TUSC3: variants seen among roughly 807,000 people sequenced by gnomAD.
The protein encoded by TUSC3 is tumor suppressor candidate 3.
TUSC3 carries 45 observed loss-of-function variants against 44.8 expected under a neutral mutation model. That is an observed-to-expected ratio of 1.00 (90% CI 0.79 to 1.29). The LOEUF (loss-of-function observed/expected upper bound fraction) is 1.29. TUSC3 is among the 50% of genes most tolerant of loss of function. TUSC3 has a pLI of 0.00. For synonymous variants in TUSC3, 212 were observed against 152.9 expected (o/e 1.39, Z -2.85); for missense variants, 519 against 437.9 (o/e 1.19, Z -1.65).
At chr8:15,447,655 C>T (rs922548236) in intron 1 of TUSC3, among the ~76,000 whole-genome samples, 11 of 149,986 alleles carry the variant, frequency 7.3e-5, no homozygotes, top group Non-Finnish European at 1.6e-4. Flanking sequence ...GAACTATAGG[C>T]TAATGATTAC....
At chr8:15,459,340 A>G (rs1181194435) in intron 1 of TUSC3, among the ~76,000 whole-genome samples, 1 of 152,140 alleles carries the variant, frequency 6.6e-6, no homozygotes, top group Non-Finnish European at 1.5e-5. Flanking sequence ...CATAACTGTC[A>G]GTATTCTTGC....
At chr8:15,499,644 G>A (rs546506163) in intron 2 of TUSC3, among the ~76,000 whole-genome samples, 79 of 152,176 alleles carry the variant, frequency 5.2e-4, no homozygotes, top group African/African-American at 1.6e-3. Context: ...ACTGGTCCAC[G>A]GGGTGCTTAG....
chr8:15,562,270 T>G (rs1050290133), intron 1 of TUSC3, among the ~76,000 whole-genome samples: 1 of 152,134 alleles, frequency 6.6e-6, no homozygotes, highest in Admixed American at 6.6e-5. Flanking sequence ...TCGTGGATGG[T>G]ATATAAGATA....
the TUSC3 span, among the ~76,000 whole-genome samples, chr8:15,830,188 T>A: frequency 6.6e-6 from 1 of 152,120 alleles, no homozygotes; most frequent in African/African-American, 2.4e-5. Context: ...AGATTCTGGA[T>A]ATTACTCCTT....
intron 1 of TUSC3, chr8:15,561,602 C>A (rs866397719): frequency 1.9e-4 from 30 of 156,080 alleles, no homozygotes; most frequent in Middle Eastern, 3.1e-3. Context: ...CCTCCCCCAG[C>A]CTCACTGCCG....
chr8:15,692,474 C>G (rs1808960639), intron 6 of TUSC3, among the ~76,000 whole-genome samples: 1 of 140,740 alleles, frequency 7.1e-6, no homozygotes. Context: ...TCCAGCTGGT[C>G]CTGGGCTTTT....
At chr8:15,698,687 C>G (rs759901841) in intron 6 of TUSC3, among the ~76,000 whole-genome samples, 2 of 152,096 alleles carry the variant, frequency 1.3e-5, no homozygotes, top group Non-Finnish European at 2.9e-5. Flanking sequence ...GTGCCATTCT[C>G]TCATTACTAG....
At chr8:15,596,391 C>G (rs1015044397) in intron 1 of TUSC3, among the ~76,000 whole-genome samples, 3 of 152,118 alleles carry the variant, frequency 2.0e-5, no homozygotes, top group Non-Finnish European at 4.4e-5. Context: ...GAATTTTTCT[C>G]AACCGAATGC....
At chr8:15,504,230 G>T (rs930820793) in intron 2 of TUSC3, among the ~76,000 whole-genome samples, 1 of 151,892 alleles carries the variant, frequency 6.6e-6, no homozygotes, top group Non-Finnish European at 1.5e-5. Flanking sequence ...AATTTTGAGA[G>T]CCTCCGTTTC....
intron 6 of TUSC3, among the ~76,000 whole-genome samples, chr8:15,712,340 C>T (rs1425722396): frequency 6.6e-6 from 1 of 151,974 alleles, no homozygotes; most frequent in African/African-American, 2.4e-5. Context: ...TAACTTCTGT[C>T]ACTACCTGTT....
At chr8:15,546,993 A>G (rs960004274) in intron 1 of TUSC3, among the ~76,000 whole-genome samples, 1 of 151,774 alleles carries the variant, frequency 6.6e-6, no homozygotes, top group Non-Finnish European at 1.5e-5. Flanking sequence ...AGTCTAAGAT[A>G]GAATAGCATC....
chr8:15,707,428 T>A (rs2129198087), intron 6 of TUSC3, among the ~76,000 whole-genome samples: 1 of 152,060 alleles, frequency 6.6e-6, no homozygotes, highest in Non-Finnish European at 1.5e-5. Flanking sequence ...AACCTATATT[T>A]TTTATGTTTT....
chr8:15,755,205 C>G (rs1263764053), intron 9 of TUSC3, among the ~76,000 whole-genome samples: 1 of 152,044 alleles, frequency 6.6e-6, no homozygotes, highest in African/African-American at 2.4e-5. Context: ...GGGCAAGTTA[C>G]TTAACTTTTG....
chr8:15,744,668 T>C (rs1811328778), intron 8 of TUSC3, among the ~76,000 whole-genome samples: 1 of 150,888 alleles, frequency 6.6e-6, no homozygotes, highest in Admixed American at 6.7e-5. Context: ...TCTTTTCCTA[T>C]GGTATCATCT....
intron 2 of TUSC3, among the ~76,000 whole-genome samples, chr8:15,521,657 C>G (rs1025347987): frequency 6.6e-6 from 1 of 152,086 alleles, no homozygotes; most frequent in Non-Finnish European, 1.5e-5. Context: ...AGAAAGTTTA[C>G]GAATTTATGT....
intron 6 of TUSC3, among the ~76,000 whole-genome samples, chr8:15,696,996 C>T (rs932346302): frequency 2.8e-4 from 42 of 152,022 alleles, no homozygotes; most frequent in African/African-American, 1.0e-3. Flanking sequence ...CTCAGGGTAT[C>T]AAATAAGCTA....
chr8:15,779,506 C>T, the TUSC3 span, among the ~76,000 whole-genome samples: 3 of 152,262 alleles, frequency 2.0e-5, no homozygotes, highest in Admixed American at 2.0e-4. Flanking sequence ...TGGAAGCTGT[C>T]TAAACGTCGT....
At chr8:15,669,405 CTT>C (rs1807838725) in intron 5 of TUSC3, among the ~76,000 whole-genome samples, 1 of 151,790 alleles carries the variant, frequency 6.6e-6, no homozygotes, top group Non-Finnish European at 1.5e-5. Context: ...GCAAGACTAA[CTT>C]TGATTCTAAA....
the TUSC3 span, among the ~76,000 whole-genome samples, chr8:15,776,108 A>T: frequency 6.6e-6 from 1 of 152,100 alleles, no homozygotes; most frequent in South Asian, 2.1e-4. Flanking sequence ...ATCATGACGG[A>T]GAGGGTAGTA....
Sources: gnomAD v4.1 joint callset for allele counts (sites outside exome capture counted in the v4.1 genomes callset) on GRCh38, gnomAD v4.1.1 for gene constraint, MANE v1.5 for transcripts, NCBI Gene and HGNC (gene_info 2026-07-23, HGNC 2026-07-21) for gene names.